TECR: variants seen among roughly 807,000 people sequenced by gnomAD.
TECR encodes trans-2,3-enoyl-CoA reductase, also known as very-long-chain enoyl-CoA reductase.
In TECR, 19 loss-of-function variants were observed where a neutral mutation model predicts 50.6. That is an observed-to-expected ratio of 0.38 (90% CI 0.26 to 0.55). The LOEUF is 0.55. Among genes scored for constraint, TECR ranks in the 20% least tolerant of loss-of-function variants. The pLI is 0.79. For synonymous variants in TECR, 168 were observed against 163.5 expected (o/e 1.03, Z -0.21); for missense variants, 313 against 408.3 (o/e 0.77, Z 2.01).
chr19:14,534,371 G>A (rs1191920814), intron 1 of TECR, among the ~76,000 whole-genome samples: 1 of 139,042 alleles, frequency 7.2e-6, no homozygotes, highest in African/African-American at 2.7e-5. Flanking sequence ...TGATCCGCCC[G>A]CCTCGGCCTC....
intron 1 of TECR, among the ~76,000 whole-genome samples, chr19:14,543,040 C>T (rs1402826400): frequency 1.1e-4 from 11 of 100,852 alleles, no homozygotes; most frequent in Admixed American, 9.7e-4. Context: ...CTGGCCAGAG[C>T]GTGGGATCTG....
chr19:14,542,463 T>C (rs139855493), intron 1 of TECR, among the ~76,000 whole-genome samples: 2,367 of 143,908 alleles, frequency 0.016, 51 homozygotes, highest in African/African-American at 0.053. Context: ...CCGGGTTCAA[T>C]CAATTCTCCT....
At chr19:14,529,419 C>CG, upstream of TECR, 1 of 603,114 alleles carries the variant, frequency 1.7e-6, no homozygotes, top group Non-Finnish European at 3.0e-6. Flanking sequence ...GCCCCTCCTA[C>CG]AGGCGTTCCG....
chr19:14,550,357 A>G (rs938087933), intron 1 of TECR, among the ~76,000 whole-genome samples: 6 of 152,148 alleles, frequency 3.9e-5, no homozygotes, highest in African/African-American at 1.4e-4. Flanking sequence ...CTCTTTGGCA[A>G]GCTGAGCTCA....
chr19:14,530,969 AT>A (rs2072625916), intron 1 of TECR: 1 of 152,126 alleles, frequency 6.6e-6, no homozygotes, highest in South Asian at 2.1e-4. Flanking sequence ...GGCAGCCACC[AT>A]TCTACTCAGC....
chr19:14,529,960 T>TA, intron 1 of TECR: 2 of 584,706 alleles, frequency 3.4e-6, no homozygotes. Flanking sequence ...CTGCAGGGGC[T>TA]GGGACGCTTG....
chr19:14,535,151 T>A (rs1484874299), intron 1 of TECR, among the ~76,000 whole-genome samples: 3 of 151,858 alleles, frequency 2.0e-5, no homozygotes, highest in African/African-American at 7.3e-5. Context: ...GGCAGGAGGA[T>A]CACCTGAGGT....
chr19:14,553,094 G>A (rs887234206), intron 1 of TECR, among the ~76,000 whole-genome samples: 9 of 152,054 alleles, frequency 5.9e-5, no homozygotes, highest in Non-Finnish European at 1.2e-4. Context: ...TTTGTCTTGT[G>A]CCATATTCAT....
intron 1 of TECR, among the ~76,000 whole-genome samples, chr19:14,542,430 C>G (rs1035974993): frequency 3.7e-5 from 5 of 134,366 alleles, no homozygotes; most frequent in Admixed American, 3.3e-4. Context: ...GGTGCAATCT[C>G]GGCTCACTGC....
intron 1 of TECR, among the ~76,000 whole-genome samples, chr19:14,534,725 C>T (rs1173070839): frequency 6.6e-6 from 1 of 152,134 alleles, no homozygotes; most frequent in Non-Finnish European, 1.5e-5. Context: ...GTGTGAGCCA[C>T]CGCACCTTGC....
Position 14,564,175 on chromosome 19 carries a change from C to T in TECR, c.384-7C>T, listed in dbSNP as rs1304819986. On this transcript the variant is annotated splice_region_variant and splice_polypyrimidine_tract_variant and intron_variant, in intron 6 of 12. Transcript: ENST00000215567. ...CAGCCCCAGCTGAGCCTGCTCCCCCCGACCAGCCTCGCCTGCATCTGTCAC... is the reference window on the plus strand; with the variant it reads ...CAGCCCCAGCTGAGCCTGCTCCCCCTGACCAGCCTCGCCTGCATCTGTCAC... 1 of 1,606,550 alleles carries T rather than the reference C, an allele frequency of 6.2e-7. No homozygotes were observed. The highest frequency in any genetic ancestry group is 8.5e-7 in the Non-Finnish European group (1 of 1,179,648).
chr19:14,528,252 C>CTT (rs71166752), upstream of TECR, among the ~76,000 whole-genome samples: 40 of 133,350 alleles, frequency 3.0e-4, no homozygotes, highest in African/African-American at 5.0e-4. Flanking sequence ...TTTCTTTTTT[C>CTT]TTTTTTTTTT....
intron 1 of TECR, among the ~76,000 whole-genome samples, chr19:14,541,974 G>A (rs974464702): frequency 2.0e-5 from 3 of 152,170 alleles, no homozygotes; most frequent in East Asian, 1.9e-4. Context: ...GTAGTAGACC[G>A]GGTTTCACAT....
chr19:14,534,811 A>T (rs1333528030), intron 1 of TECR, among the ~76,000 whole-genome samples: 2 of 152,192 alleles, frequency 1.3e-5, no homozygotes, highest in African/African-American at 4.8e-5. Context: ...ACTGAAGCTC[A>T]GAGAGGTAAA....
At position 14,563,070 on chromosome 19, in the gene TECR, A is replaced by C. The variant is rs984721136; in HGVS notation, c.67-136A>C. On this transcript the variant is annotated intron_variant, in intron 2 of 12. Coordinates refer to ENST00000215567, the MANE Select transcript of TECR (RefSeq NM_138501.6). The surrounding 1 kb of genome is among the most constrained non-coding windows in gnomAD (Gnocchi z 5.3). ...CGGTGGTCCTTCCCTGACTGCAGGC[A>C]GAGGCCTGGACCCCAGCCCTTCCCC... 7.3e-6 allele frequency: 8 copies of C among 1,094,562 alleles called. No individual in the cohort carries two copies. The Admixed American group carries it at 1.7e-4, about 23-fold the overall frequency. The allele number at this position is 1,094,562 out of a possible 1,614,324, so 67.8% of individuals were successfully genotyped here. A position where few individuals can be genotyped will look rare whatever the true frequency, so the allele number is the denominator to read the frequency against.
chr19:14,535,756 C>CAAAA (rs1161257175), intron 1 of TECR, among the ~76,000 whole-genome samples: 851 of 51,938 alleles, frequency 0.016, 52 homozygotes, highest in African/African-American at 0.041. Context: ...GACTCTGTCT[C>CAAAA]AAAAAAAAAA....
Position 14,563,859 on chromosome 19 carries a change from A to G in TECR, c.223A>G (p.Thr75Ala), listed in dbSNP as rs767425463. 1 of 1,614,022 alleles carries G rather than the reference A, an allele frequency of 6.2e-7. No individual in the cohort carries two copies. Among genetic ancestry groups the G allele is most frequent in the Non-Finnish European group, 8.5e-7 (1 of 1,179,950 alleles). Residue 75 changes from threonine (T) to alanine (A), a missense_variant, in exon 5 of 13, where the codon ACA (threonine) becomes GCA (alanine). Thr to Ala is a moderately conservative substitution (Grantham distance 58). Transcript: ENST00000215567. The surrounding 1 kb of genome is among the most constrained non-coding windows in gnomAD (Gnocchi z 5.3). Reference sequence around the variant, plus strand: ...GAAGCTGCCCGTGGGCACCACGGCCACACTGTACTTCCGGGACCTGGGGGC... The same window carrying G: ...GAAGCTGCCCGTGGGCACCACGGCCGCACTGTACTTCCGGGACCTGGGGGC... ...LQKLPVGTTA[T>A]LYFRDLGAQI...
chr19:14,541,661 A>G (rs774231131), intron 1 of TECR, among the ~76,000 whole-genome samples: 1 of 152,160 alleles, frequency 6.6e-6, no homozygotes, highest in Non-Finnish European at 1.5e-5. Context: ...TTCTAGGCAG[A>G]GGGAACCGAG....
At chr19:14,531,901 C>G (rs1221250393) in intron 1 of TECR, 1 of 150,474 alleles carries the variant, frequency 6.6e-6, no homozygotes, top group African/African-American at 2.4e-5. Flanking sequence ...CTCAGCTACT[C>G]GGGAGGCTGA....
Sources: gnomAD v4.1 joint callset for allele counts (sites outside exome capture counted in the v4.1 genomes callset) on GRCh38, gnomAD v4.1.1 for gene constraint, Gnocchi (gnomAD v3.1) non-coding constraint, MANE v1.5 for transcripts, NCBI Gene and HGNC (gene_info 2026-07-23, HGNC 2026-07-21) for gene names.